PCDH9: variants seen among roughly 807,000 people sequenced by gnomAD.
PCDH9 encodes the protein protocadherin-9.
PCDH9 carries 24 observed loss-of-function variants against 70.6 expected under a neutral mutation model. The observed-to-expected ratio is 0.34, with a 90% CI of 0.25 to 0.48. The LOEUF is 0.48. Among genes scored for constraint, PCDH9 ranks in the 20% least tolerant of loss-of-function variants. PCDH9 has a pLI of 0.99. For missense variants in PCDH9, 1,281 were observed against 1,503.6 expected, an observed-to-expected ratio of 0.85 and a Z score of 2.45; for synonymous variants, 562 against 558.5, an observed-to-expected ratio of 1.01 and a Z score of -0.09.
At chr13:66,738,154 C>T (rs953146558) in intron 3 of PCDH9, among the ~76,000 whole-genome samples, 8 of 152,158 alleles carry the variant, frequency 5.3e-5, no homozygotes, top group South Asian at 4.1e-4. Context: ...TGAGAACGGG[C>T]AGACGGCCTC....
At chr13:66,531,865 G>C (rs1268456776) in intron 4 of PCDH9, among the ~76,000 whole-genome samples, 1 of 152,120 alleles carries the variant, frequency 6.6e-6, no homozygotes, top group Non-Finnish European at 1.5e-5. Context: ...TTAGAGATAG[G>C]CTACATGCTT....
chr13:67,013,932 G>C (rs2084505311), intron 2 of PCDH9, among the ~76,000 whole-genome samples: 1 of 151,880 alleles, frequency 6.6e-6, no homozygotes, highest in African/African-American at 2.4e-5. Context: ...CCATGCTCTT[G>C]TTCTAATTCT....
chr13:66,524,637 A>G (rs1960136370), intron 4 of PCDH9, among the ~76,000 whole-genome samples: 1 of 152,068 alleles, frequency 6.6e-6, no homozygotes, highest in South Asian at 2.1e-4. Context: ...TCGGAAGAGA[A>G]TCCAAAGAAA....
At chr13:67,146,017 T>C (rs534591248) in intron 2 of PCDH9, among the ~76,000 whole-genome samples, 15 of 152,256 alleles carry the variant, frequency 9.9e-5, no homozygotes, top group African/African-American at 3.4e-4. Context: ...ATTAATTCTG[T>C]CTGCTATAAA....
At chr13:66,597,522 T>A (rs544879413) in intron 4 of PCDH9, among the ~76,000 whole-genome samples, 1 of 151,654 alleles carries the variant, frequency 6.6e-6, no homozygotes, top group South Asian at 2.1e-4. Context: ...AGACTGGACA[T>A]CCACATGCAA....
At chr13:66,984,449 T>C (rs1338837723) in intron 2 of PCDH9, among the ~76,000 whole-genome samples, 1 of 152,198 alleles carries the variant, frequency 6.6e-6, no homozygotes, top group Non-Finnish European at 1.5e-5. Flanking sequence ...ACATACTGCC[T>C]GAGTGCTCTG....
intron 3 of PCDH9, among the ~76,000 whole-genome samples, chr13:66,773,527 G>C (rs2079842519): frequency 6.6e-6 from 1 of 151,566 alleles, no homozygotes; most frequent in Admixed American, 6.6e-5. Context: ...GCTTCTCGGA[G>C]GTTGAGGCAG....
intron 2 of PCDH9, among the ~76,000 whole-genome samples, chr13:67,031,944 T>G (rs1352200549): frequency 6.6e-6 from 1 of 152,088 alleles, no homozygotes; most frequent in Non-Finnish European, 1.5e-5. Context: ...AACTTACCAA[T>G]GGTAAATTAA....
chr13:66,531,167 T>C (rs943109128), intron 4 of PCDH9, among the ~76,000 whole-genome samples: 6 of 152,044 alleles, frequency 3.9e-5, no homozygotes, highest in African/African-American at 1.4e-4. Context: ...CCTGCTTCTT[T>C]GGTAATATTG....
chr13:67,192,418 G>A (rs573768892), intron 2 of PCDH9, among the ~76,000 whole-genome samples: 9 of 152,268 alleles, frequency 5.9e-5, no homozygotes, highest in Admixed American at 3.9e-4. Context: ...ATCCCAGTCA[G>A]AAATAATAGC....
intron 4 of PCDH9, among the ~76,000 whole-genome samples, chr13:66,353,435 A>C (rs1956326089): frequency 6.6e-6 from 1 of 152,188 alleles, no homozygotes; most frequent in African/African-American, 2.4e-5. Context: ...GTGGATGTTA[A>C]AAATAAAACA....
intron 4 of PCDH9, among the ~76,000 whole-genome samples, chr13:66,500,939 C>G (rs927509068): frequency 3.9e-5 from 6 of 151,970 alleles, no homozygotes; most frequent in African/African-American, 1.4e-4. Context: ...TGAGATTAAG[C>G]ATAACAAAAA....
At chr13:66,406,634 T>A (rs1957285426) in intron 4 of PCDH9, among the ~76,000 whole-genome samples, 3 of 152,186 alleles carry the variant, frequency 2.0e-5, no homozygotes. Context: ...GGATCACAGT[T>A]TAGCTTTGTT....
chr13:66,529,668 C>T (rs1282158982), intron 4 of PCDH9, among the ~76,000 whole-genome samples: 1 of 151,764 alleles, frequency 6.6e-6, no homozygotes, highest in Non-Finnish European at 1.5e-5. Context: ...TTCCCGTTTG[C>T]AAAAGTATTT....
At chr13:67,122,457 C>T (rs980302234) in intron 2 of PCDH9, among the ~76,000 whole-genome samples, 5 of 151,984 alleles carry the variant, frequency 3.3e-5, no homozygotes, top group Admixed American at 3.3e-4. Flanking sequence ...AAAGTTGAGG[C>T]TCAGTGTGAA....
intron 4 of PCDH9, among the ~76,000 whole-genome samples, chr13:66,453,775 G>T (rs935149088): frequency 1.3e-5 from 2 of 152,098 alleles, no homozygotes; most frequent in African/African-American, 4.8e-5. Flanking sequence ...ACTGGCCAAA[G>T]CTGTTTTGCA....
At chr13:66,922,495 C>T (rs987952065) in intron 2 of PCDH9, among the ~76,000 whole-genome samples, 1 of 151,388 alleles carries the variant, frequency 6.6e-6, no homozygotes, top group Admixed American at 6.6e-5. Flanking sequence ...TTTCACGATT[C>T]TACAAATGTG....
chr13:66,508,213 C>G (rs1488587164), intron 4 of PCDH9, among the ~76,000 whole-genome samples: 1 of 152,094 alleles, frequency 6.6e-6, no homozygotes, highest in Non-Finnish European at 1.5e-5. Context: ...ATACTAATAA[C>G]AAGTTGCATT....
chr13:66,941,255 TA>T (rs1425801050), intron 2 of PCDH9, among the ~76,000 whole-genome samples: 3 of 150,988 alleles, frequency 2.0e-5, no homozygotes, highest in Admixed American at 1.3e-4. Context: ...AATAAAAATT[TA>T]AAAAAAATGA....
Sources: gnomAD v4.1 joint callset for allele counts (sites outside exome capture counted in the v4.1 genomes callset) on GRCh38, gnomAD v4.1.1 for gene constraint, MANE v1.5 for transcripts, NCBI Gene and HGNC (gene_info 2026-07-23, HGNC 2026-07-21) for gene names.